The following DENND2B variants were observed in gnomAD, a reference collection of about 807,000 sequenced individuals.
DENND2B encodes DENN domain containing 2B, also known as DENN domain-containing protein 2B.
In DENND2B, 32 loss-of-function variants were observed where a neutral mutation model predicts 116.0. That is an observed-to-expected ratio of 0.28 (90% CI 0.21 to 0.37). The LOEUF (loss-of-function observed/expected upper bound fraction) is 0.37, where lower values mean the gene tolerates loss of function less well. DENND2B is among the 10% of genes least tolerant of loss of function. The probability of loss-of-function intolerance (pLI) is 1.00; values close to 1 mark genes in which losing one functional copy is unlikely to be tolerated. For missense variants in DENND2B, 1,276 were observed against 1,477.7 expected, an observed-to-expected ratio of 0.86 and a Z score of 2.24; for synonymous variants, 588 against 583.9, an observed-to-expected ratio of 1.01 and a Z score of -0.10.
chr11:8,713,768 T>C (rs1301096284), intron 8 of DENND2B, among the ~76,000 whole-genome samples: 1 of 152,166 alleles, frequency 6.6e-6, no homozygotes, highest in Non-Finnish European at 1.5e-5. Context: ...CACCCTTACA[T>C]TTGGCAAAGG....
Position 8,696,439 on chromosome 11 carries a change from A to G in DENND2B, c.3280T>C (p.Cys1094Arg). The change falls in exon 18 of 20, where the codon TGT becomes CGT. Residue 1094 changes from cysteine to arginine, a missense_variant. By Grantham distance (180) the Cys-to-Arg change is radical. Transcript: ENST00000313726. Reference sequence around the variant, plus strand: ...AACCAAGACTTACCCTTTGCCCGACACTTTCTTAGCTCCCTGTCTTGGATG... The same window carrying G: ...AACCAAGACTTACCCTTTGCCCGACGCTTTCTTAGCTCCCTGTCTTGGATG... Reference protein sequence around the residue: ...GFIQDRELRKCRAKGLFEQRV... With the variant: ...GFIQDRELRKRRAKGLFEQRV... The G allele has an allele frequency of 6.2e-7, 1 of 1,614,158 alleles. No homozygotes were observed. Among genetic ancestry groups the G allele is most frequent in the Non-Finnish European group, 8.5e-7 (1 of 1,180,022 alleles).
chr11:8,889,779 G>A (rs1417883173), intron 1 of DENND2B, among the ~76,000 whole-genome samples: 1 of 152,232 alleles, frequency 6.6e-6, no homozygotes, highest in East Asian at 1.9e-4. Flanking sequence ...CGCAGCTCAA[G>A]GAGGCCTGCC....
intron 2 of DENND2B, among the ~76,000 whole-genome samples, chr11:8,742,224 G>A (rs906146305): frequency 2.0e-5 from 3 of 152,176 alleles, no homozygotes; most frequent in Non-Finnish European, 2.9e-5. Flanking sequence ...TTTAGCCAAG[G>A]CAGACATCAT....
At chr11:8,786,985 T>C (rs148473817) in intron 1 of DENND2B, 2 of 152,340 alleles carry the variant, frequency 1.3e-5, no homozygotes, top group Non-Finnish European at 2.9e-5. Context: ...GTGTTAATTA[T>C]GTTAATTCAT....
rs77373546 is a variant in DENND2B, at chr11:8,792,947, G to C, written c.-26+17570C>G. ...TTCTGCCTAAGGAAATAAAATACAA[G>C]TACTAGGACACATGGGCAAAGACAG... On this transcript the variant is annotated intron_variant, in intron 1 of 19. Transcript: ENST00000313726. Among the ~76,000 whole-genome samples the C allele has an allele frequency of 1.1e-3, 174 of 152,266 alleles. 1 individual carries two copies. The East Asian group carries it at 0.032, about 28-fold the overall frequency.
chr11:8,876,733 C>G (rs1340873866), intron 2 of DENND2B, among the ~76,000 whole-genome samples: 1 of 151,902 alleles, frequency 6.6e-6, no homozygotes, highest in Non-Finnish European at 1.5e-5. Context: ...CAAAAATTAG[C>G]CAAGCATGGT....
At chr11:8,890,809 A>C (rs1395869213) in intron 1 of DENND2B, among the ~76,000 whole-genome samples, 1 of 152,218 alleles carries the variant, frequency 6.6e-6, no homozygotes. Context: ...CAAGTTGGAA[A>C]ACACTCTGCA....
chr11:8,698,647 A>G (rs2040899298), intron 16 of DENND2B, among the ~76,000 whole-genome samples: 1 of 152,190 alleles, frequency 6.6e-6, no homozygotes, highest in African/African-American at 2.4e-5. Flanking sequence ...GAGGCCTAAG[A>G]CCATGTGGCT....
chr11:8,758,374 C>T (rs1432472052), intron 1 of DENND2B, among the ~76,000 whole-genome samples: 1 of 152,136 alleles, frequency 6.6e-6, no homozygotes, highest in Non-Finnish European at 1.5e-5. Context: ...AAAGCATTAC[C>T]AATGGCTCAT....
At chr11:8,774,370 C>T in intron 1 of DENND2B, 1 of 965,342 alleles carries the variant, frequency 1.0e-6, no homozygotes, top group Non-Finnish European at 1.2e-6. Flanking sequence ...TTGACAGAAA[C>T]ATGTTCTCCT....
At chr11:8,780,173 C>T (rs2058236138) in intron 1 of DENND2B, among the ~76,000 whole-genome samples, 1 of 152,192 alleles carries the variant, frequency 6.6e-6, no homozygotes, top group Admixed American at 6.5e-5. Context: ...AAACACCAAC[C>T]ATGCATAAGC....
intron 7 of DENND2B, among the ~76,000 whole-genome samples, chr11:8,714,268 G>A (rs1216457735): frequency 1.3e-5 from 2 of 152,350 alleles, no homozygotes; most frequent in East Asian, 3.9e-4. Context: ...GAAGCTGAGG[G>A]CCTGAGTTGG....
intron 1 of DENND2B, chr11:8,785,591 T>G (rs1377569367): frequency 6.6e-6 from 1 of 152,216 alleles, no homozygotes; most frequent in East Asian, 1.9e-4. Flanking sequence ...AGCCCAGGGC[T>G]GGTGTTATCT....
intron 2 of DENND2B, among the ~76,000 whole-genome samples, chr11:8,864,422 C>T (rs930735057): frequency 6.6e-6 from 1 of 152,112 alleles, no homozygotes; most frequent in African/African-American, 2.4e-5. Flanking sequence ...CACGCACCGC[C>T]ACGCTCGGCT....
At chr11:8,854,359 G>A (rs1469357638) in intron 3 of DENND2B, among the ~76,000 whole-genome samples, 1 of 151,690 alleles carries the variant, frequency 6.6e-6, no homozygotes, top group Admixed American at 6.6e-5. Context: ...GCACCACCAC[G>A]ACCAGCTAAT....
At chr11:8,836,131 A>AG (rs1450472203) in intron 4 of DENND2B, among the ~76,000 whole-genome samples, 1 of 148,942 alleles carries the variant, frequency 6.7e-6, no homozygotes, top group Non-Finnish European at 1.5e-5. Flanking sequence ...GTGGATCAGG[A>AG]GGTCAGAATT....
intron 2 of DENND2B, among the ~76,000 whole-genome samples, chr11:8,864,800 C>T (rs1007825124): frequency 1.3e-5 from 2 of 152,180 alleles, no homozygotes; most frequent in Non-Finnish European, 2.9e-5. Flanking sequence ...AGGACACTGA[C>T]TCTGATTAAA....
Position 8,696,653 on chromosome 11 carries a change from G to A in DENND2B, c.3066C>T (p.Leu1022=). The change falls in exon 18 of 20, where the codon CTC becomes CTT. Residue 1022 remains leucine (L), a synonymous_variant. Transcript: ENST00000313726. ...DSDSDDECNT[L]NGLVSEVFIR... is the part of the protein sequence containing the mutation. Reference sequence around the variant, plus strand: ...TAAACACCTCCGACACCAGCCCATTGAGGGTATTACATTCTGGAAGGGAAA... The same window carrying A: ...TAAACACCTCCGACACCAGCCCATTAAGGGTATTACATTCTGGAAGGGAAA... The A allele has an allele frequency of 6.2e-7, 1 of 1,614,188 alleles. No individual in the cohort carries two copies. The highest frequency in any genetic ancestry group is 1.3e-5 in the African/African-American group (1 of 75,034).
At chr11:8,718,565 T>C in intron 4 of DENND2B, 2 of 1,401,248 alleles carry the variant, frequency 1.4e-6, no homozygotes, top group African/African-American at 1.5e-5. Context: ...GTAGTGTCTA[T>C]TCCCTCTACC....
Sources: gnomAD v4.1 joint callset for allele counts (sites outside exome capture counted in the v4.1 genomes callset) on GRCh38, gnomAD v4.1.1 for gene constraint, MANE v1.5 for transcripts, NCBI Gene and HGNC (gene_info 2026-07-23, HGNC 2026-07-21) for gene names.